The following PSMD13 variants were observed in gnomAD, a reference collection of about 807,000 sequenced individuals.
PSMD13 encodes the protein proteasome 26S subunit, non-ATPase 13.
Under a neutral mutation model 57.4 loss-of-function variants are expected in PSMD13, and 8 were observed. The observed-to-expected ratio is 0.14, with a 90% CI of 0.08 to 0.25. The LOEUF (loss-of-function observed/expected upper bound fraction) is 0.25, where lower values mean the gene tolerates loss of function less well. Ranked by LOEUF, PSMD13 falls within the 10% of genes least tolerant of loss-of-function variation. The pLI is 1.00. For missense variants in PSMD13, 400 were observed against 461.5 expected (o/e 0.87, Z 1.22); for synonymous variants, 193 against 168.2 (o/e 1.15, Z -1.14).
Position 244,739 on chromosome 11 carries a change from T to G in PSMD13, c.374T>G (p.Ile125Ser). The change falls in exon 6 of 13, where the codon ATC becomes AGC. Residue 125 changes from isoleucine (I) to serine (S), a missense_variant. By Grantham distance (142) the Ile-to-Ser change is moderately radical. Transcript: ENST00000532097. Reference protein sequence around the residue: ...KTAIGALKLNIGDLQVTKETI... With the variant: ...KTAIGALKLNSGDLQVTKETI... ...GCAATTGGAGCTCTAAAATTAAACA[T>G]CGGGGACCTACAGGTTACAAAGGTG... 6.2e-7 allele frequency: 1 copy of G among 1,613,472 alleles called. No homozygotes were observed. The highest frequency in any genetic ancestry group is 8.5e-7 in the Non-Finnish European group (1 of 1,179,480).
At chr11:242,380 TTTCTC>T (rs1385230707) in intron 2 of PSMD13, among the ~76,000 whole-genome samples, 1 of 151,508 alleles carries the variant, frequency 6.6e-6, no homozygotes, top group Non-Finnish European at 1.5e-5. Context: ...TTAGCAAACA[TTTCTC>T]TTTTTGTTTT....
chr11:246,711 C>T (rs146596743), intron 6 of PSMD13, among the ~76,000 whole-genome samples: 1 of 152,152 alleles, frequency 6.6e-6, no homozygotes. Context: ...GTCTTCAACA[C>T]CTGATAGTTT....
chr11:239,500 A>G (rs1220360947), intron 2 of PSMD13, among the ~76,000 whole-genome samples: 1 of 152,154 alleles, frequency 6.6e-6, no homozygotes, highest in Non-Finnish European at 1.5e-5. Flanking sequence ...GAAGATTACT[A>G]TCTGTGGGAA....
At position 244,415 on chromosome 11, in the gene PSMD13, T is replaced by C; in HGVS notation, c.266-11T>C. Reference sequence around the variant, plus strand: ...TGTTGATGGTCCTTCTGATTGTTCCTTCTTTTCCAGATCCTAATGTGGCTC... The same window carrying C: ...TGTTGATGGTCCTTCTGATTGTTCCCTCTTTTCCAGATCCTAATGTGGCTC... On this transcript the variant is annotated splice_polypyrimidine_tract_variant and intron_variant, in intron 4 of 12. Coordinates refer to ENST00000532097, the MANE Select transcript of PSMD13 (RefSeq NM_002817.4). The C allele has an allele frequency of 6.2e-7, 1 of 1,609,602 alleles. No individual in the cohort carries two copies.
chr11:245,101 C>T (rs774969052), intron 6 of PSMD13, among the ~76,000 whole-genome samples: 15 of 152,064 alleles, frequency 9.9e-5, no homozygotes, highest in South Asian at 2.1e-4. Flanking sequence ...CCTCCCTGCC[C>T]GGCTAATTTT....
chr11:247,141 C>T (rs906878140), intron 6 of PSMD13, 136 bp from the exon 7 acceptor site: 194 of 766,726 alleles, frequency 2.5e-4, no homozygotes, highest in East Asian at 8.7e-5. Flanking sequence ...CCAGCTACTA[C>T]AGAGGCTGAG....
At chr11:240,821 TTTTA>T (rs1365411047) in intron 2 of PSMD13, among the ~76,000 whole-genome samples, 1 of 152,136 alleles carries the variant, frequency 6.6e-6, no homozygotes, top group Non-Finnish European at 1.5e-5. Context: ...AAAAATGCCA[TTTTA>T]TTTATTTATT....
chr11:251,988 T>G lies in PSMD13; in HGVS notation c.1035+52T>G, dbSNP rs1198116031. 13 of 1,503,460 alleles carry G rather than the reference T, an allele frequency of 8.6e-6. No individual in the cohort carries two copies. Among genetic ancestry groups the G allele is most frequent in the Non-Finnish European group, 1.1e-5 (12 of 1,088,062 alleles). The allele number at this position is 1,503,460 out of a possible 1,614,324, so 93.1% of individuals were successfully genotyped here. On this transcript the variant is annotated intron_variant, in intron 12 of 12. Coordinates refer to ENST00000532097, the MANE Select transcript of PSMD13 (RefSeq NM_002817.4). The surrounding 1 kb of genome is among the most constrained non-coding windows in gnomAD (Gnocchi z 4.6). The stretch of plus-strand genomic sequence containing the variant: ...CCTCTGTGGATTTTGAGGGGTTGTG[T>G]CTATACCGTCTTAGTTTCATTTGGA...
intron 1 of PSMD13, 40 bp downstream of exon 1, chr11:237,184 A>G (rs1469648981): frequency 1.3e-6 from 2 of 1,564,798 alleles, no homozygotes; most frequent in Non-Finnish European, 1.7e-6. Context: ...CCGGCGATAG[A>G]GGGAGACGGA....
At position 241,280 on chromosome 11, in the gene PSMD13, A is replaced by C. The variant is rs187780350; in HGVS notation, c.174+2204A>C. On this transcript the variant is annotated intron_variant, in intron 2 of 12. Coordinates refer to ENST00000532097, the MANE Select transcript of PSMD13 (RefSeq NM_002817.4). The stretch of plus-strand genomic sequence containing the variant: ...CAGCCTCCCAAGTAGCTGGGATTAC[A>C]AGCGTGTGCCACCACACCTGGCTAA... Among the ~76,000 whole-genome samples, 8 of 152,076 alleles carry C rather than the reference A, an allele frequency of 5.3e-5. No individual in the cohort carries two copies. The East Asian group carries it at 1.5e-3, about 29-fold the overall frequency.
At chr11:243,178 GT>G in intron 2 of PSMD13, 2 of 626,584 alleles carry the variant, frequency 3.2e-6, no homozygotes, top group African/African-American at 3.6e-5. Flanking sequence ...TTGTGTCCTT[GT>G]TTTTAATTTA....
Position 237,015 on chromosome 11 carries a change from G to A in PSMD13, c.-35G>A, listed in dbSNP as rs1264282639. ...GCCATCCCCGCGGTGCTGACATCCC[G>A]GTTGTTCTTCTGTGCCGGGGGTCTT... On this transcript the variant is annotated 5_prime_UTR_variant, in exon 1 of 13. Coordinates refer to ENST00000532097, the MANE Select transcript of PSMD13 (RefSeq NM_002817.4). The A allele has an allele frequency of 1.3e-6, 2 of 1,555,634 alleles. No homozygotes were observed. The highest frequency in any genetic ancestry group is 1.8e-6 in the Non-Finnish European group (2 of 1,128,060).
chr11:251,004 C>A lies in PSMD13; in HGVS notation c.837+139C>A. ...TGCTGTGCGCCGCTCTCTTCACCACCTTCCTTTTCCTTTGCTACCACTTGC... is the reference window on the plus strand; with the variant it reads ...TGCTGTGCGCCGCTCTCTTCACCACATTCCTTTTCCTTTGCTACCACTTGC... On this transcript the variant is annotated intron_variant, in intron 10 of 12. Coordinates refer to ENST00000532097, the MANE Select transcript of PSMD13 (RefSeq NM_002817.4). The surrounding 1 kb of genome is among the most constrained non-coding windows in gnomAD (Gnocchi z 4.6). The A allele has an allele frequency of 1.4e-6, 1 of 732,666 alleles. No individual in the cohort carries two copies. 45.4% of individuals were successfully genotyped at this position (732,666 alleles called of 1,614,324 possible). A position where few individuals can be genotyped will look rare whatever the true frequency, so the allele number is the denominator to read the frequency against.
intron 1 of PSMD13, among the ~76,000 whole-genome samples, chr11:238,610 G>A (rs761549740): frequency 3.9e-5 from 6 of 152,216 alleles, no homozygotes; most frequent in Admixed American, 6.5e-5. Flanking sequence ...GGCAGAGGTT[G>A]CAGTGAGCCG....
rs1859460646 is a variant in PSMD13, at chr11:239,015, C to T, written c.113C>T (p.Thr38Ile). 1 of 1,614,044 alleles carries T rather than the reference C, an allele frequency of 6.2e-7. No homozygotes were observed. The highest frequency in any genetic ancestry group is 8.5e-7 in the Non-Finnish European group (1 of 1,180,030). ...TTTTTCAGGTTGTGGCATCAGCTGACACTTCAGGTGCTTGATTTTGTGCAG... is the reference window on the plus strand; with the variant it reads ...TTTTTCAGGTTGTGGCATCAGCTGATACTTCAGGTGCTTGATTTTGTGCAG... ...LYTKKLWHQL[T>I]LQVLDFVQDP... The change falls in exon 2 of 13, where the codon ACA becomes ATA. Residue 38 changes from threonine (T) to isoleucine (I), a missense_variant. Thr to Ile is a moderately conservative substitution (Grantham distance 89). Coordinates refer to ENST00000532097, the MANE Select transcript of PSMD13 (RefSeq NM_002817.4).
intron 6 of PSMD13, among the ~76,000 whole-genome samples, chr11:245,381 A>C (rs1302843810): frequency 6.6e-6 from 1 of 152,190 alleles, no homozygotes; most frequent in Non-Finnish European, 1.5e-5. Context: ...ACCACAGCAC[A>C]TCCGTCTAAT....
chr11:249,789 A>G (rs1859736226), intron 9 of PSMD13, among the ~76,000 whole-genome samples: 1 of 152,312 alleles, frequency 6.6e-6, no homozygotes, highest in East Asian at 1.9e-4. Context: ...AGAAGTAAAT[A>G]TTAATAAAAT....
At chr11:237,200 C>T in intron 1 of PSMD13, 56 bp downstream of exon 1, 1 of 1,528,366 alleles carries the variant, frequency 6.5e-7, no homozygotes. Context: ...ACGGAGGGGG[C>T]AGGCGGGCGG....
intron 9 of PSMD13, 77 bp downstream of exon 9, chr11:249,134 T>C: frequency 6.3e-7 from 1 of 1,577,758 alleles, no homozygotes; most frequent in South Asian, 1.1e-5. Context: ...ATTGAGCGTC[T>C]TCCCTAGGCA....
Sources: allele counts gnomAD v4.1 joint callset (sites outside exome capture counted in the v4.1 genomes callset), GRCh38; gene constraint gnomAD v4.1.1; non-coding constraint Gnocchi (gnomAD v3.1); transcripts MANE v1.5; gene names NCBI Gene and HGNC (gene_info 2026-07-23, HGNC 2026-07-21).